The following KIAA1328 variants were observed in gnomAD, a reference collection of about 807,000 sequenced individuals.
KIAA1328 encodes KIAA1328, also known as protein hinderin.
In KIAA1328, 52 loss-of-function variants were observed where a neutral mutation model predicts 68.1. That is an observed-to-expected ratio of 0.76 (90% CI 0.61 to 0.96). The LOEUF is 0.96. Ranked by LOEUF, KIAA1328 falls within the 40% of genes least tolerant of loss-of-function variation. The probability of loss-of-function intolerance (pLI) is 0.00; values close to 1 mark genes in which losing one functional copy is unlikely to be tolerated. For missense variants in KIAA1328, 641 were observed against 677.6 expected (o/e 0.95, Z 0.60); for synonymous variants, 232 against 239.4 (o/e 0.97, Z 0.28).
intron 6 of KIAA1328, among the ~76,000 whole-genome samples, chr18:36,965,893 G>A (rs1212824414): frequency 6.6e-6 from 1 of 150,690 alleles, no homozygotes; most frequent in Non-Finnish European, 1.5e-5. Context: ...CAATCCAGAG[G>A]CATCGTCATA....
chr18:37,033,422 T>C (rs980763453), intron 6 of KIAA1328, among the ~76,000 whole-genome samples: 1 of 152,214 alleles, frequency 6.6e-6, no homozygotes, highest in Non-Finnish European at 1.5e-5. Context: ...TCAGATCTTT[T>C]TAAGACTTGT....
intron 7 of KIAA1328, among the ~76,000 whole-genome samples, chr18:37,077,206 G>A (rs1286629866): frequency 2.8e-5 from 4 of 142,968 alleles, no homozygotes; most frequent in Non-Finnish European, 5.9e-5. Context: ...ATGTAATCCA[G>A]CATGTAAACA....
chr18:37,128,938 G>T (rs2058457231), intron 7 of KIAA1328, among the ~76,000 whole-genome samples: 1 of 152,102 alleles, frequency 6.6e-6, no homozygotes, highest in South Asian at 2.1e-4. Context: ...TCCATTTATT[G>T]GCAATTCTAG....
intron 6 of KIAA1328, among the ~76,000 whole-genome samples, chr18:36,993,943 T>C (rs2053288678): frequency 6.6e-6 from 1 of 150,706 alleles, no homozygotes; most frequent in South Asian, 2.1e-4. Context: ...CATTTGTTAC[T>C]TTTCAAATAC....
intron 4 of KIAA1328, among the ~76,000 whole-genome samples, chr18:36,854,039 G>A (rs1176651968): frequency 6.6e-6 from 1 of 152,184 alleles, no homozygotes; most frequent in East Asian, 1.9e-4. Flanking sequence ...CTCAGAAGGT[G>A]ATTGTGTTTG....
rs993460411 is a variant in KIAA1328, at chr18:37,224,629, G to T, written c.*2402G>T. The stretch of plus-strand genomic sequence containing the variant: ...ATATATACATACATATGAATGAAAG[G>T]TTGTTACAGAGCCTCAAAGCTGTTG... On this transcript the variant is annotated 3_prime_UTR_variant, in exon 10 of 10. Transcript: ENST00000280020. The T allele has an allele frequency of 4.1e-5, 40 of 984,192 alleles. No individual in the cohort carries two copies. Among genetic ancestry groups the T allele is most frequent in the Non-Finnish European group, 4.8e-5 (40 of 829,056 alleles). The allele number at this position is 984,192 out of a possible 1,614,324, so 61.0% of individuals were successfully genotyped here.
chr18:36,972,587 G>A (rs1334030855), intron 6 of KIAA1328, among the ~76,000 whole-genome samples: 1 of 152,142 alleles, frequency 6.6e-6, no homozygotes, highest in African/African-American at 2.4e-5. Context: ...TTTGGTGTCA[G>A]AGTAGCCAAG....
chr18:36,957,268 A>T (rs1340126862), intron 5 of KIAA1328, among the ~76,000 whole-genome samples: 5 of 152,204 alleles, frequency 3.3e-5, no homozygotes, highest in African/African-American at 1.2e-4. Flanking sequence ...GTGATGACCT[A>T]TTGTAAAAGT....
At chr18:37,144,633 G>T (rs2058853884) in intron 7 of KIAA1328, among the ~76,000 whole-genome samples, 1 of 151,874 alleles carries the variant, frequency 6.6e-6, no homozygotes, top group Admixed American at 6.6e-5. Flanking sequence ...GACTCAGGTG[G>T]TCCTTCCACC....
intron 6 of KIAA1328, among the ~76,000 whole-genome samples, chr18:36,962,459 C>T (rs1433873763): frequency 6.6e-6 from 1 of 152,136 alleles, no homozygotes; most frequent in Non-Finnish European, 1.5e-5. Context: ...CTCAGCTCTG[C>T]ACCAGGCGGA....
intron 6 of KIAA1328, among the ~76,000 whole-genome samples, chr18:37,020,611 G>A (rs1017057803): frequency 2.0e-5 from 3 of 152,178 alleles, no homozygotes; most frequent in African/African-American, 7.2e-5. Flanking sequence ...AAGGAAATCA[G>A]CTACAGATAA....
At chr18:36,848,897 G>T (rs1377290245) in intron 4 of KIAA1328, among the ~76,000 whole-genome samples, 2 of 150,958 alleles carry the variant, frequency 1.3e-5, no homozygotes, top group Admixed American at 1.3e-4. Context: ...TTGTGTTCCT[G>T]GCTTAAGCCT....
intron 7 of KIAA1328, among the ~76,000 whole-genome samples, chr18:37,124,255 T>C (rs2058339771): frequency 6.6e-6 from 1 of 152,196 alleles, no homozygotes; most frequent in Non-Finnish European, 1.5e-5. Flanking sequence ...TTCTCACTCA[T>C]TTCAAATAGA....
chr18:37,011,877 C>G (rs757827421), intron 6 of KIAA1328, among the ~76,000 whole-genome samples: 3 of 151,738 alleles, frequency 2.0e-5, no homozygotes, highest in Non-Finnish European at 4.4e-5. Flanking sequence ...GATGATTACC[C>G]AGCTGTATTT....
chr18:36,833,694 A>G (rs2046576207), intron 1 of KIAA1328, among the ~76,000 whole-genome samples: 1 of 152,240 alleles, frequency 6.6e-6, no homozygotes. Flanking sequence ...GTGACAGTTG[A>G]AAACAGTGTG....
Position 37,066,893 on chromosome 18 carries a change from T to A in KIAA1328, c.580T>A (p.Ser194Thr), listed in dbSNP as rs752099998. The change falls in exon 7 of 10, where the codon TCC becomes ACC. Residue 194 changes from serine (S) to threonine (T), a missense_variant. Physicochemically the swap from Ser to Thr is moderately conservative, Grantham distance 58. Transcript: ENST00000280020. Reference sequence around the variant, plus strand: ...GTGATCTTGTGGTTCTTTCTAGGTATCCAGTAGAAAAAGCACTCTCCAGTG... The same window carrying A: ...GTGATCTTGTGGTTCTTTCTAGGTAACCAGTAGAAAAAGCACTCTCCAGTG... Reference protein sequence around the residue: ...GAARMQEQQVSSRKSTLQCSS... With the variant: ...GAARMQEQQVTSRKSTLQCSS... 39 of 1,577,584 alleles carry A rather than the reference T, an allele frequency of 2.5e-5. No homozygotes were observed. Among genetic ancestry groups the A allele is most frequent in the Non-Finnish European group, 3.3e-5 (38 of 1,162,332 alleles).
chr18:36,885,761 A>G, intron 5 of KIAA1328, 89 bp downstream of exon 5: 1 of 823,302 alleles, frequency 1.2e-6, no homozygotes, highest in Non-Finnish European at 1.9e-6. Context: ...CTTGTCGCCT[A>G]GGCTGCAGTG....
chr18:37,142,875 A>G (rs1383008622), intron 7 of KIAA1328, among the ~76,000 whole-genome samples: 1 of 151,902 alleles, frequency 6.6e-6, no homozygotes, highest in East Asian at 1.9e-4. Context: ...ATTTGGGGAG[A>G]ACTGACACCC....
At chr18:36,971,419 T>C (rs902042000) in intron 6 of KIAA1328, among the ~76,000 whole-genome samples, 2 of 152,010 alleles carry the variant, frequency 1.3e-5, no homozygotes, top group African/African-American at 2.4e-5. Flanking sequence ...CACCTGAGGT[T>C]GGGAGTTCAA....
Sources: allele counts gnomAD v4.1 joint callset (sites outside exome capture counted in the v4.1 genomes callset), GRCh38; gene constraint gnomAD v4.1.1; transcripts MANE v1.5; gene names NCBI Gene and HGNC (gene_info 2026-07-23, HGNC 2026-07-21).